CBFA2T3: variants seen among roughly 807,000 people sequenced by gnomAD.
CBFA2T3 encodes the protein transcriptional corepressor CBFA2T3.
Under a neutral mutation model 58.6 loss-of-function variants are expected in CBFA2T3, and 31 were observed. The ratio of observed to expected loss-of-function variants is 0.53; its 90% CI spans 0.40 to 0.71. The LOEUF (loss-of-function observed/expected upper bound fraction) is 0.71. Among genes scored for constraint, CBFA2T3 ranks in the 30% least tolerant of loss-of-function variants. The probability of loss-of-function intolerance (pLI) is 0.00; values close to 1 mark genes in which losing one functional copy is unlikely to be tolerated. For missense variants in CBFA2T3, 1,076 were observed against 963.1 expected (o/e 1.12, Z -1.55); for synonymous variants, 531 against 421.9 (o/e 1.26, Z -3.17).
intron 11 of CBFA2T3, 60 bp from the exon 12 acceptor site, chr16:88,877,335 C>G (rs1001785162): frequency 7.2e-7 from 1 of 1,395,354 alleles, no homozygotes; most frequent in Non-Finnish European, 9.7e-7. Context: ...CCCCAACACA[C>G]GCCTCAACCA....
At chr16:88,928,928 C>T (rs1010795687) in intron 1 of CBFA2T3, among the ~76,000 whole-genome samples, 1 of 152,206 alleles carries the variant, frequency 6.6e-6, no homozygotes, top group Admixed American at 6.5e-5. Flanking sequence ...GAACTGCAGC[C>T]AGGCACGGTG....
At chr16:88,970,075 C>T (rs1972610560) in intron 1 of CBFA2T3, among the ~76,000 whole-genome samples, 1 of 152,250 alleles carries the variant, frequency 6.6e-6, no homozygotes, top group African/African-American at 2.4e-5. Flanking sequence ...GATGGAAATT[C>T]ACGTCAGTGG....
At chr16:88,902,429 G>C (rs547140519) in intron 1 of CBFA2T3, 1 of 152,378 alleles carries the variant, frequency 6.6e-6, no homozygotes, top group Admixed American at 6.5e-5. Context: ...AGATTCCCTC[G>C]TGGTCTGAGG....
intron 1 of CBFA2T3, chr16:88,938,529 T>C (rs1433048395): frequency 6.6e-6 from 1 of 152,208 alleles, no homozygotes. Flanking sequence ...CCCAGCGCTG[T>C]TGTAGGCTCT....
chr16:88,946,941 G>C (rs951350513), intron 1 of CBFA2T3, among the ~76,000 whole-genome samples: 5 of 152,162 alleles, frequency 3.3e-5, no homozygotes, highest in Admixed American at 2.6e-4. Context: ...GTAGAGACAG[G>C]GTTTTGCTGT....
chr16:88,912,337 G>A (rs758856921), intron 1 of CBFA2T3, among the ~76,000 whole-genome samples: 2 of 152,226 alleles, frequency 1.3e-5, no homozygotes, highest in Non-Finnish European at 2.9e-5. Context: ...TGTGCGTCCT[G>A]GGGCCAGATG....
At chr16:88,884,484 G>A (rs917794341) in intron 7 of CBFA2T3, 2 of 152,418 alleles carry the variant, frequency 1.3e-5, no homozygotes, top group African/African-American at 4.8e-5. Context: ...TCTGTGGTAT[G>A]GGGGTGCTGA....
chr16:88,892,381 T>C lies in CBFA2T3; in HGVS notation c.484A>G (p.Thr162Ala). Residue 162 changes from threonine to alanine, a missense_variant, in exon 4 of 12, where the codon ACA becomes GCA. Coordinates refer to ENST00000268679, the MANE Select transcript of CBFA2T3 (RefSeq NM_005187.6). ...CCGCAGGCTGGGGGCAGGTGCTGTG[T>C]GGACAAGGAGGCTGTGGACGAGGTG... is the stretch of plus-strand genomic sequence containing the variant. ...PATSSTASLS[T>A]QHLPPACGAR... 6.2e-7 allele frequency: 1 copy of C among 1,613,438 alleles called. No homozygotes were observed. The highest frequency in any genetic ancestry group is 8.5e-7 in the Non-Finnish European group (1 of 1,179,966).
intron 1 of CBFA2T3, among the ~76,000 whole-genome samples, chr16:88,946,034 G>GT (rs1971893530): frequency 6.6e-6 from 1 of 152,236 alleles, no homozygotes; most frequent in African/African-American, 2.4e-5. Context: ...ATGGCCGGGC[G>GT]TGGTGGCTCA....
chr16:88,876,882 G>C lies in CBFA2T3; in HGVS notation c.*94C>G, dbSNP rs1268603084. ...TCAGGCGGGGCGCAGTGTCTGGCAG[G>C]CCAGGCATCGGAGGCCAGGCACAGC... On this transcript the variant is annotated 3_prime_UTR_variant, in exon 12 of 12. Coordinates refer to ENST00000268679, the MANE Select transcript of CBFA2T3 (RefSeq NM_005187.6). 1.9e-6 allele frequency: 2 copies of C among 1,029,958 alleles called. No individual in the cohort carries two copies. Among genetic ancestry groups the C allele is most frequent in the Non-Finnish European group, 2.6e-6 (2 of 755,938 alleles). The allele number at this position is 1,029,958 out of a possible 1,614,324, so 63.8% of individuals were successfully genotyped here. A position where few individuals can be genotyped will look rare whatever the true frequency, so the allele number is the denominator to read the frequency against.
At chr16:88,934,381 T>G (rs1472316530) in intron 1 of CBFA2T3, among the ~76,000 whole-genome samples, 1 of 152,246 alleles carries the variant, frequency 6.6e-6, no homozygotes, top group Non-Finnish European at 1.5e-5. Context: ...TGCTTTGGGC[T>G]TCTGGGCATG....
chr16:88,930,797 C>T (rs1477491850), intron 1 of CBFA2T3, among the ~76,000 whole-genome samples: 1 of 22,232 alleles, frequency 4.5e-5, no homozygotes, highest in Non-Finnish European at 8.4e-5. Context: ...GGGGAGGGGG[C>T]AGACTGGGGG....
intron 11 of CBFA2T3, among the ~76,000 whole-genome samples, 179 bp from the exon 12 acceptor site, chr16:88,877,454 G>A (rs954715502): frequency 6.6e-6 from 1 of 152,170 alleles, no homozygotes; most frequent in East Asian, 1.9e-4. Context: ...GCCATTTTGC[G>A]GGACGGCATC....
chr16:88,905,644 A>G (rs1437189443), intron 1 of CBFA2T3, among the ~76,000 whole-genome samples: 1 of 140,848 alleles, frequency 7.1e-6, no homozygotes, highest in Non-Finnish European at 1.5e-5. Flanking sequence ...GTGGAGCGCC[A>G]TGATCAGGGC....
At chr16:88,975,480 A>T (rs1480062107) in intron 1 of CBFA2T3, among the ~76,000 whole-genome samples, 1 of 152,232 alleles carries the variant, frequency 6.6e-6, no homozygotes, top group African/African-American at 2.4e-5. Context: ...ACCATGAGGA[A>T]ACTGAGGCCC....
intron 1 of CBFA2T3, among the ~76,000 whole-genome samples, chr16:88,913,636 C>T (rs1177720168): frequency 6.6e-6 from 1 of 152,204 alleles, no homozygotes; most frequent in East Asian, 1.9e-4. Flanking sequence ...ACACCTCATT[C>T]CTCCGTGGGG....
At chr16:88,971,560 G>A (rs1972656329) in intron 1 of CBFA2T3, among the ~76,000 whole-genome samples, 1 of 152,142 alleles carries the variant, frequency 6.6e-6, no homozygotes, top group African/African-American at 2.4e-5. Flanking sequence ...GACAGGCCTG[G>A]GAGCGGCCGT....
chr16:88,905,799 C>A (rs1219984864), intron 1 of CBFA2T3, among the ~76,000 whole-genome samples: 1 of 146,138 alleles, frequency 6.8e-6, no homozygotes, highest in East Asian at 2.0e-4. Flanking sequence ...AGCTAGTCTG[C>A]GGCAGGTGGG....
In CBFA2T3 at chr16:88,880,779, C is replaced by T. The variant is rs150852720; in HGVS notation, c.1412G>A (p.Arg471His). ...GGTGAGGGTCCTCGGCAGGAACTCGCGAGGCACGTCTGAAACAGGGGCCGG... is the reference window on the plus strand; with the variant it reads ...GGTGAGGGTCCTCGGCAGGAACTCGTGAGGCACGTCTGAAACAGGGGCCGG... ...GPEGPQLDVP[R>H]EFLPRTLTGY... The change falls in exon 10 of 12, where the codon CGC becomes CAC. Residue 471 changes from arginine (R) to histidine (H), a missense_variant. Arg to His is a conservative substitution (Grantham distance 29). Transcript: ENST00000268679. 1.3e-4 allele frequency: 213 copies of T among 1,583,626 alleles called. No homozygotes were observed. The highest frequency in any genetic ancestry group is 8.3e-4 in the Middle Eastern group (5 of 6,030).
Sources: gnomAD v4.1 joint callset for allele counts (sites outside exome capture counted in the v4.1 genomes callset) on GRCh38, gnomAD v4.1.1 for gene constraint, MANE v1.5 for transcripts, NCBI Gene and HGNC (gene_info 2026-07-23, HGNC 2026-07-21) for gene names.